Variants in UQCC6 observed in about 807,000 individuals in gnomAD.
UQCC6 encodes the protein ubiquinol-cytochrome c reductase complex assembly factor 6.
chr12:103,963,877 T>C, the UQCC6 span, among the ~76,000 whole-genome samples: 3 of 152,128 alleles, frequency 2.0e-5, no homozygotes, highest in African/African-American at 7.2e-5. Flanking sequence ...ACCAGAGCAA[T>C]GAACAAAGAC....
At chr12:103,954,553 C>T in the UQCC6 span, 32 of 193,746 alleles carry the variant, frequency 1.7e-4, no homozygotes, top group Non-Finnish European at 3.0e-4. Context: ...AGGGAGGGCA[C>T]CAAGCCATTC....
chr12:103,964,110 A>C, the UQCC6 span, among the ~76,000 whole-genome samples: 1 of 131,124 alleles, frequency 7.6e-6, no homozygotes, highest in African/African-American at 2.9e-5. Context: ...CAGTGTCCTC[A>C]CCGACAACTC....
chr12:103,962,477 T>C, the UQCC6 span, among the ~76,000 whole-genome samples: 2 of 152,142 alleles, frequency 1.3e-5, no homozygotes, highest in South Asian at 2.1e-4. Context: ...GAGGTGCGAC[T>C]TGACTCCCAA....
At chr12:103,962,907 G>A in the UQCC6 span, among the ~76,000 whole-genome samples, 2 of 152,150 alleles carry the variant, frequency 1.3e-5, no homozygotes, top group African/African-American at 4.8e-5. Flanking sequence ...GGGCTTGCCT[G>A]CCCTGTGTCA....
the UQCC6 span, chr12:103,957,209 A>G: frequency 6.5e-6 from 1 of 153,274 alleles, no homozygotes; most frequent in East Asian, 1.9e-4. Context: ...GGCCGGACCC[A>G]AAATACAGGG....
the UQCC6 span, among the ~76,000 whole-genome samples, chr12:103,959,571 G>T: frequency 1.3e-5 from 2 of 150,786 alleles, no homozygotes; most frequent in African/African-American, 4.9e-5. Context: ...AATTGGCCAG[G>T]TGTGGTGGTG....
the UQCC6 span, chr12:103,956,866 G>A: frequency 3.1e-6 from 2 of 654,224 alleles, no homozygotes; most frequent in Non-Finnish European, 5.5e-6. Context: ...GGTGCAGGAG[G>A]ACCCCTGGGT....
chr12:103,965,277 A>C, the UQCC6 span, among the ~76,000 whole-genome samples: 1 of 152,232 alleles, frequency 6.6e-6, no homozygotes, highest in Non-Finnish European at 1.5e-5. Flanking sequence ...AAGAGGGGTT[A>C]GTCTGTAAGG....
the UQCC6 span, among the ~76,000 whole-genome samples, chr12:103,964,131 C>CTTTTTT: frequency 1.4e-5 from 1 of 69,468 alleles, no homozygotes; most frequent in Non-Finnish European, 2.6e-5. Flanking sequence ...CTCCCATAAG[C>CTTTTTT]TTTTTTTTTT....
chr12:103,958,410 C>T, the UQCC6 span, among the ~76,000 whole-genome samples: 1 of 152,002 alleles, frequency 6.6e-6, no homozygotes. Flanking sequence ...AATGAACATA[C>T]CCAAGACCCT....
chr12:103,956,540 T>C, the UQCC6 span: 5 of 839,746 alleles, frequency 6.0e-6, no homozygotes, highest in African/African-American at 8.4e-5. Context: ...AGCATCTGCA[T>C]TGCTATAAAG....
the UQCC6 span, chr12:103,950,678 G>A: frequency 6.6e-6 from 1 of 152,154 alleles, no homozygotes; most frequent in Non-Finnish European, 1.5e-5. Context: ...CTTCAAAACA[G>A]GAAGAAAATG....
At chr12:103,958,474 C>T in the UQCC6 span, among the ~76,000 whole-genome samples, 1 of 152,106 alleles carries the variant, frequency 6.6e-6, no homozygotes, top group Non-Finnish European at 1.5e-5. Flanking sequence ...GGCCTCATTT[C>T]CCTAGGTAAT....
the UQCC6 span, among the ~76,000 whole-genome samples, chr12:103,961,527 ACT>A: frequency 7.8e-6 from 1 of 128,508 alleles, no homozygotes; most frequent in Non-Finnish European, 1.6e-5. Flanking sequence ...TATCTTTAAT[ACT>A]GTTTGGTTTT....
At chr12:103,952,466 A>G in the UQCC6 span, among the ~76,000 whole-genome samples, 4 of 152,218 alleles carry the variant, frequency 2.6e-5, no homozygotes, top group Admixed American at 2.6e-4. Context: ...GATATTATGA[A>G]TAATACTGCT....
At chr12:103,956,067 CAAAG>C in the UQCC6 span, among the ~76,000 whole-genome samples, 1 of 152,076 alleles carries the variant, frequency 6.6e-6, no homozygotes, top group Non-Finnish European at 1.5e-5. Flanking sequence ...AATAAATAGA[CAAAG>C]AACTGCAGAC....
chr12:103,951,607 C>T, the UQCC6 span: 1 of 1,540,586 alleles, frequency 6.5e-7, no homozygotes, highest in Non-Finnish European at 8.8e-7. Context: ...GTTCTCCACG[C>T]TTTGGTGGAA....
chr12:103,957,074 G>A, the UQCC6 span: 1 of 321,938 alleles, frequency 3.1e-6, no homozygotes, highest in African/African-American at 2.1e-5. Context: ...TCTACCTCTT[G>A]GAGGAGAGGA....
chr12:103,956,600 A>G, the UQCC6 span: 1 of 1,438,980 alleles, frequency 6.9e-7, no homozygotes, highest in African/African-American at 1.4e-5. Flanking sequence ...TATTTAGCTC[A>G]AAAATAAAAT....
Sources: gnomAD v4.1 joint callset for allele counts (sites outside exome capture counted in the v4.1 genomes callset) on GRCh38, gnomAD v4.1.1 for gene constraint, MANE v1.5 for transcripts, NCBI Gene and HGNC (gene_info 2026-07-23, HGNC 2026-07-21) for gene names.